ADCY10: variants seen among roughly 807,000 people sequenced by gnomAD.
The protein encoded by ADCY10 is adenylate cyclase type 10.
ADCY10 carries 156 observed loss-of-function variants against 183.3 expected under a neutral mutation model. The ratio of observed to expected loss-of-function variants is 0.85; its 90% confidence interval spans 0.75 to 0.97. ADCY10 has a LOEUF of 0.97. ADCY10 is among the 50% of genes least tolerant of loss of function. ADCY10 has a pLI of 0.00. For synonymous variants in ADCY10, 645 were observed against 670.0 expected, an observed-to-expected ratio of 0.96 and a Z score of 0.58; for missense variants, 1,745 against 1,934.3, an observed-to-expected ratio of 0.90 and a Z score of 1.84.
chr1:167,881,902 C>T (rs540806775), intron 9 of ADCY10, among the ~76,000 whole-genome samples: 1 of 152,304 alleles, frequency 6.6e-6, no homozygotes, highest in South Asian at 2.1e-4. Context: ...TGGAAGTAAT[C>T]CCTTTCCAGA....
At position 167,903,983 on chromosome 1, in the gene ADCY10, C is replaced by T. The variant is rs1669633639; in HGVS notation, c.157G>A (p.Ala53Thr). The stretch of plus-strand genomic sequence containing the variant: ...GCACTGCTGAACTTCTCAGTCATTG[C>T]AGTAAAACCTGGAATAAATGTGCAG... ...LMFVDISGFTAMTEKFSSAMY... is the reference protein window; with the variant it reads ...LMFVDISGFTTMTEKFSSAMY... Residue 53 changes from alanine (A) to threonine (T), a missense_variant, in exon 3 of 33, where the codon GCA (alanine) becomes ACA (threonine). Coordinates refer to ENST00000367851, the MANE Select transcript of ADCY10 (RefSeq NM_018417.6). 6.2e-7 allele frequency: 1 copy of T among 1,611,400 alleles called. No individual in the cohort carries two copies. Among genetic ancestry groups the T allele is most frequent in the Non-Finnish European group, 8.5e-7 (1 of 1,178,172 alleles).
At chr1:167,847,401 T>A (rs1443527955) in intron 19 of ADCY10, among the ~76,000 whole-genome samples, 1 of 144,624 alleles carries the variant, frequency 6.9e-6, no homozygotes, top group African/African-American at 2.6e-5. Context: ...AGAATAATAA[T>A]ACATCTTTCT....
At chr1:167,874,445 A>G (rs1235980524) in intron 13 of ADCY10, among the ~76,000 whole-genome samples, 1 of 152,244 alleles carries the variant, frequency 6.6e-6, no homozygotes, top group Non-Finnish European at 1.5e-5. Context: ...TATACACCCA[A>G]CAGAATTATT....
At chr1:167,823,706 CA>C (rs35113424) in intron 28 of ADCY10, among the ~76,000 whole-genome samples, 2 of 152,168 alleles carry the variant, frequency 1.3e-5, no homozygotes, top group Non-Finnish European at 2.9e-5. Context: ...AATTCGGAAC[CA>C]AATATACCTC....
chr1:167,871,039 A>G (rs968217276), intron 13 of ADCY10, among the ~76,000 whole-genome samples: 10 of 152,188 alleles, frequency 6.6e-5, no homozygotes, highest in African/African-American at 2.4e-4. Context: ...ACCAGGAATT[A>G]AGCCAAGGCT....
At chr1:167,819,431 G>A (rs1032523970) in intron 30 of ADCY10, among the ~76,000 whole-genome samples, 1 of 151,844 alleles carries the variant, frequency 6.6e-6, no homozygotes, top group African/African-American at 2.4e-5. Flanking sequence ...TAGAGACACG[G>A]TTTCACCATA....
intron 25 of ADCY10, 54 bp downstream of exon 25, chr1:167,832,933 G>T: frequency 6.3e-7 from 1 of 1,576,364 alleles, no homozygotes; most frequent in East Asian, 2.2e-5. Flanking sequence ...TTATGTGTAG[G>T]CCTCTCTGGG....
At chr1:167,833,606 G>T (rs780206916) in intron 24 of ADCY10, among the ~76,000 whole-genome samples, 1 of 152,052 alleles carries the variant, frequency 6.6e-6, no homozygotes, top group Non-Finnish European at 1.5e-5. Flanking sequence ...TTAGCTGGGC[G>T]TGGTGGCGCA....
chr1:167,858,779 G>A (rs562849591), intron 16 of ADCY10, among the ~76,000 whole-genome samples: 30 of 152,234 alleles, frequency 2.0e-4, no homozygotes, highest in African/African-American at 6.0e-4. Context: ...GACTTATTTC[G>A]AGAGTATAAA....
At chr1:167,884,694 A>AT (rs71100911) in intron 8 of ADCY10, among the ~76,000 whole-genome samples, 1,653 of 108,616 alleles carry the variant, frequency 0.015, 42 homozygotes, top group African/African-American at 0.034. Context: ...AATCATTTTA[A>AT]TTTTTTTTTT....
chr1:167,867,748 G>A (rs190375545), intron 14 of ADCY10, among the ~76,000 whole-genome samples: 37 of 151,730 alleles, frequency 2.4e-4, no homozygotes, highest in Non-Finnish European at 4.4e-4. Context: ...AATAGCAATC[G>A]GCATAGAATA....
rs138742358 is a variant in ADCY10 at position 167,894,619 on chromosome 1, ATGTG to A, written c.740-682_740-679del. On this transcript the variant is annotated intron_variant, in intron 7 of 32. Coordinates refer to ENST00000367851, the MANE Select transcript of ADCY10 (RefSeq NM_018417.6). ...GAAGAAAATGATAATGTGAAAAAAA[ATGTG>A]TGTGTGTGTGTGTGTTTAATTTGGC... Among the ~76,000 whole-genome samples the A allele has an allele frequency of 2.3e-3, 343 of 151,346 alleles. 1 individual carries two copies. Among genetic ancestry groups the A allele is most frequent in the African/African-American group, 8.0e-3 (330 of 41,266 alleles).
At chr1:167,863,479 A>G (rs1258783797) in intron 14 of ADCY10, among the ~76,000 whole-genome samples, 1 of 151,806 alleles carries the variant, frequency 6.6e-6, no homozygotes. Context: ...TCGGATTTTG[A>G]GACGCTAGCC....
In ADCY10 at chr1:167,835,664, A is replaced by C. The variant is rs143951206; in HGVS notation, c.3309+645T>G. ...AGCACTTTGGAAGGCCAAGGAGGGC[A>C]GATCCCTTGAGCTCAGGTGTTCAAG... On this transcript the variant is annotated intron_variant, in intron 23 of 32. Transcript: ENST00000367851. 6.5e-3 allele frequency among the ~76,000 whole-genome samples: 996 copies of C among 152,270 alleles called. 12 individuals are homozygous for C. Among genetic ancestry groups the C allele is most frequent in the African/African-American group, 0.023 (961 of 41,562 alleles).
intron 2 of ADCY10, 48 bp downstream of exon 2, chr1:167,904,945 C>G (rs773905763): frequency 6.2e-7 from 1 of 1,613,622 alleles, no homozygotes; most frequent in Non-Finnish European, 8.5e-7. Context: ...AATTCCCACG[C>G]GAGCCTGTTG....
At chr1:167,827,059 A>G (rs752379396) in intron 26 of ADCY10, among the ~76,000 whole-genome samples, 3 of 152,192 alleles carry the variant, frequency 2.0e-5, no homozygotes, top group Non-Finnish European at 4.4e-5. Context: ...GACAGACTCC[A>G]GGTTAGGAAT....
intron 18 of ADCY10, among the ~76,000 whole-genome samples, chr1:167,852,305 G>A (rs967590315): frequency 2.0e-5 from 3 of 152,132 alleles, no homozygotes; most frequent in Admixed American, 6.5e-5. Context: ...TAGCTGGGCG[G>A]TAGTGGTGCA....
At chr1:167,878,205 C>T (rs1667611963) in intron 12 of ADCY10, among the ~76,000 whole-genome samples, 3 of 152,082 alleles carry the variant, frequency 2.0e-5, no homozygotes, top group African/African-American at 7.2e-5. Context: ...GTTTGTACAA[C>T]CTTTGAAGAA....
intron 14 of ADCY10, among the ~76,000 whole-genome samples, chr1:167,867,933 C>T (rs1666821765): frequency 6.6e-6 from 1 of 152,122 alleles, no homozygotes; most frequent in Non-Finnish European, 1.5e-5. Context: ...AAGGCAGCCC[C>T]TCCTGTACGA....
Sources: gnomAD v4.1 joint callset for allele counts (sites outside exome capture counted in the v4.1 genomes callset) on GRCh38, gnomAD v4.1.1 for gene constraint, MANE v1.5 for transcripts, NCBI Gene and HGNC (gene_info 2026-07-23, HGNC 2026-07-21) for gene names.